The following TBCD variants were observed in gnomAD, a reference collection of about 807,000 sequenced individuals.
The protein encoded by TBCD is tubulin-specific chaperone D.
A neutral mutation model predicts 169.3 loss-of-function variants in TBCD; 105 were observed. That is an observed-to-expected ratio of 0.62 (90% CI 0.53 to 0.73). TBCD has a LOEUF of 0.73. Among genes scored for constraint, TBCD ranks in the 30% least tolerant of loss-of-function variants. The pLI, the probability that TBCD is intolerant of heterozygous loss-of-function variation, is 0.00. For synonymous variants in TBCD, 700 were observed against 643.9 expected, an observed-to-expected ratio of 1.09 and a Z score of -1.32; for missense variants, 1,444 against 1,600.1, an observed-to-expected ratio of 0.90 and a Z score of 1.66.
At position 82,757,866 on chromosome 17, in the gene TBCD, C is replaced by T. The variant is rs565629578; in HGVS notation, c.235+1651C>T. ...CATATCTTATAGGAGGTCTTGGGTT[C>T]CTGGAGTTCCTGTGTGTGAGCGCTG... On this transcript the variant is annotated intron_variant, in intron 2 of 38. Coordinates refer to ENST00000355528, the MANE Select transcript of TBCD (RefSeq NM_005993.5). 3.3e-5 allele frequency among the ~76,000 whole-genome samples: 5 copies of T among 152,170 alleles called. No individual in the cohort carries two copies. In the South Asian group the frequency reaches 1.0e-3, roughly 32 times the overall value.
chr17:82,846,068 C>G (rs2055009184), intron 13 of TBCD, among the ~76,000 whole-genome samples: 1 of 152,232 alleles, frequency 6.6e-6, no homozygotes, highest in Non-Finnish European at 1.5e-5. Context: ...CCGGAGGGCA[C>G]CTCTCGCCTG....
At chr17:82,816,529 A>C (rs989403813) in intron 13 of TBCD, among the ~76,000 whole-genome samples, 4 of 150,170 alleles carry the variant, frequency 2.7e-5, no homozygotes, top group African/African-American at 7.3e-5. Context: ...CCTCACCAAC[A>C]CTTGCTTTTA....
intron 16 of TBCD, among the ~76,000 whole-genome samples, chr17:82,891,259 T>G (rs1174650120): frequency 2.6e-5 from 4 of 152,212 alleles, no homozygotes; most frequent in Non-Finnish European, 5.9e-5. Context: ...TGGGGATTGA[T>G]TGACAGGGAA....
intron 12 of TBCD, among the ~76,000 whole-genome samples, chr17:82,813,810 G>A (rs995179690): frequency 8.5e-5 from 13 of 152,224 alleles, no homozygotes; most frequent in African/African-American, 2.7e-4. Flanking sequence ...TTGTGATTGA[G>A]TCTGTCGGTG....
rs1440049156 is a variant in TBCD at position 82,933,171 on chromosome 17, C to T, written c.3191+436C>T. 4.0e-5 allele frequency among the ~76,000 whole-genome samples: 6 copies of T among 151,880 alleles called. No homozygotes were observed. The East Asian group carries it at 7.8e-4, about 20-fold the overall frequency. On this transcript the variant is annotated intron_variant, in intron 34 of 38. Coordinates refer to ENST00000355528, the MANE Select transcript of TBCD (RefSeq NM_005993.5). ...TGGAGCTCCTTGCTTCTGCGCCACG[C>T]GGATGCCCCAGGCTGGTCTCAGCTG...
At chr17:82,766,401 C>G in intron 4 of TBCD, 33 bp downstream of exon 4, 1 of 1,537,252 alleles carries the variant, frequency 6.5e-7, no homozygotes, top group Non-Finnish European at 8.9e-7. Context: ...TCGTCTCCAG[C>G]CCTCCGTGCC....
Position 82,926,421 on chromosome 17 carries a change from G to A in TBCD, c.2401G>A (p.Val801Ile), listed in dbSNP as rs1355858180. Residue 801 changes from valine to isoleucine, a missense_variant, in exon 28 of 39, where the codon GTT (valine) becomes ATT (isoleucine). Physicochemically the swap from Val to Ile is conservative, Grantham distance 29 (BLOSUM62 3). Transcript: ENST00000355528. ...LQQVLTGLRAVTHTSPEDVSF... is the reference protein window; with the variant it reads ...LQQVLTGLRAITHTSPEDVSF... ...CCAGGTTCTCACAGGTTTAAGAGCA[G>A]TTACCCACACTTCCCCCGAGGACGT... 1.2e-6 allele frequency: 2 copies of A among 1,613,898 alleles called. No homozygotes were observed. Among genetic ancestry groups the A allele is most frequent in the Non-Finnish European group, 1.7e-6 (2 of 1,179,898 alleles).
chr17:82,869,618 G>A (rs551300008), intron 13 of TBCD, among the ~76,000 whole-genome samples: 4 of 152,316 alleles, frequency 2.6e-5, no homozygotes, highest in Non-Finnish European at 4.4e-5. Context: ...CACCTACCTC[G>A]GATTTCTCTG....
In TBCD at chr17:82,900,836, A is replaced by C; in HGVS notation, c.1730+105A>C. 6.0e-6 allele frequency: 5 copies of C among 827,104 alleles called. No individual in the cohort carries two copies. The South Asian group carries it at 7.7e-5, about 13-fold the overall frequency. 51.2% of individuals were successfully genotyped at this position (827,104 alleles called of 1,614,324 possible). On this transcript the variant is annotated intron_variant, in intron 18 of 38. Transcript: ENST00000355528. ...TGTATTTTCTCACTGTGGATGTCGT[A>C]TTTTAAAATAACTTCTGAGAAGTAA...
chr17:82,926,324 C>G, intron 27 of TBCD, 76 bp from the exon 28 acceptor site: 1 of 1,420,858 alleles, frequency 7.0e-7, no homozygotes. Context: ...TGGCTCCGGG[C>G]CAACATTGCC....
chr17:82,863,650 A>G (rs75793788), intron 13 of TBCD, among the ~76,000 whole-genome samples: 6,492 of 152,202 alleles, frequency 0.043, 271 homozygotes, highest in African/African-American at 0.11. Flanking sequence ...TCTGCTCATC[A>G]GTGCCCCTGA....
Position 82,832,567 on chromosome 17 carries a change from C to G in TBCD, c.1318+17633C>G, listed in dbSNP as rs892488395. 8 of 890,308 alleles carry G rather than the reference C, an allele frequency of 9.0e-6. No homozygotes were observed. In the Admixed American group the frequency reaches 1.2e-4, roughly 13 times the overall value. The allele number at this position is 890,308 out of a possible 1,614,324, so 55.2% of individuals were successfully genotyped here. A position where few individuals can be genotyped will look rare whatever the true frequency, so the allele number is the denominator to read the frequency against. On this transcript the variant is annotated intron_variant, in intron 13 of 38. Coordinates refer to ENST00000355528, the MANE Select transcript of TBCD (RefSeq NM_005993.5). This position sits in a 1 kb window ranked among gnomAD's most constrained non-coding sequence, Gnocchi z 4.9. ...CTCCCGCTTTGCTTTCTTTCCCGAT[C>G]ACTTCTATCAGAAGCCAGCTCTGCG...
chr17:82,939,157 C>G (rs2062905641), intron 36 of TBCD: 2 of 602,282 alleles, frequency 3.3e-6, no homozygotes, highest in Non-Finnish European at 2.9e-6. Context: ...CTGCAGCTAG[C>G]TGTGTGTCTG....
intron 8 of TBCD, 128 bp downstream of exon 8, chr17:82,797,930 T>C (rs2050216762): frequency 8.9e-6 from 5 of 560,972 alleles, no homozygotes; most frequent in Non-Finnish European, 1.4e-5. Context: ...ACACTATCGT[T>C]CTTTTTTTTG....
chr17:82,908,812 A>G (rs2060421908), intron 21 of TBCD, among the ~76,000 whole-genome samples: 1 of 152,192 alleles, frequency 6.6e-6, no homozygotes, highest in African/African-American at 2.4e-5. Context: ...TTTTTGTGAG[A>G]ATTAAAGAAT....
rs894336046 is a variant in TBCD, at chr17:82,766,421, T to C, written c.435+53T>C. The C allele has an allele frequency of 1.4e-5, 20 of 1,385,064 alleles. No individual in the cohort carries two copies. The South Asian group carries it at 1.8e-4, about 13-fold the overall frequency. The allele number at this position is 1,385,064 out of a possible 1,614,324, so 85.8% of individuals were successfully genotyped here. On this transcript the variant is annotated intron_variant, in intron 4 of 38. Coordinates refer to ENST00000355528, the MANE Select transcript of TBCD (RefSeq NM_005993.5). ...TCCAGCCCTCCGTGCCTGTCCTTCC[T>C]CCCTGCTTGCCCCACCCTGCTGCAC...
rs147631825 is a variant in TBCD at position 82,789,328 on chromosome 17, C to T, written c.771+7607C>T. ...CATGGTGAGCCGCACGCCTTTGAGT[C>T]CCCATCAGCCCTGGCCCATCCCTGC... On this transcript the variant is annotated intron_variant, in intron 7 of 38. Transcript: ENST00000355528. This position sits in a 1 kb window ranked among gnomAD's most constrained non-coding sequence, Gnocchi z 4.8. 3.7e-4 allele frequency among the ~76,000 whole-genome samples: 56 copies of T among 152,360 alleles called. No homozygotes were observed. Among genetic ancestry groups the T allele is most frequent in the African/African-American group, 1.2e-3 (51 of 41,584 alleles).
At chr17:82,817,450 C>A (rs1314056919) in intron 13 of TBCD, among the ~76,000 whole-genome samples, 1 of 152,186 alleles carries the variant, frequency 6.6e-6, no homozygotes, top group Non-Finnish European at 1.5e-5. Flanking sequence ...GTATGTGCCA[C>A]CATGCCCAGC....
intron 17 of TBCD, among the ~76,000 whole-genome samples, chr17:82,897,174 G>A (rs1480620516): frequency 1.3e-5 from 2 of 151,922 alleles, no homozygotes; most frequent in Non-Finnish European, 2.9e-5. Context: ...CTGCTCCGTG[G>A]CTTTCCCTTT....
Sources: allele counts gnomAD v4.1 joint callset (sites outside exome capture counted in the v4.1 genomes callset), GRCh38; gene constraint gnomAD v4.1.1; non-coding constraint Gnocchi (gnomAD v3.1); transcripts MANE v1.5; gene names NCBI Gene and HGNC (gene_info 2026-07-23, HGNC 2026-07-21).